Variants in RBM47 observed in about 807,000 individuals in gnomAD.
The protein encoded by RBM47 is RNA-binding protein 47.
RBM47 carries 21 observed loss-of-function variants against 47.1 expected under a neutral mutation model. That is an observed-to-expected ratio of 0.45 (90% confidence interval 0.32 to 0.64). The LOEUF (loss-of-function observed/expected upper bound fraction) is 0.64, where lower values mean the gene tolerates loss of function less well. RBM47 is among the 30% of genes least tolerant of loss of function. RBM47 has a pLI of 0.05. For synonymous variants in RBM47, 375 were observed against 361.7 expected, an observed-to-expected ratio of 1.04 and a Z score of -0.42; for missense variants, 708 against 870.9, an observed-to-expected ratio of 0.81 and a Z score of 2.35.
chr4:40,535,012 T>G (rs1727801246), intron 2 of RBM47, among the ~76,000 whole-genome samples: 1 of 152,076 alleles, frequency 6.6e-6, no homozygotes, highest in South Asian at 2.1e-4. Flanking sequence ...ATGCATGAAC[T>G]GTATGACCTT....
chr4:40,430,110 G>C (rs915246553), intron 6 of RBM47, among the ~76,000 whole-genome samples: 1 of 152,034 alleles, frequency 6.6e-6, no homozygotes, highest in Admixed American at 6.5e-5. Flanking sequence ...CCGGAGAATC[G>C]CCTGAACCTG....
chr4:40,436,204 A>AC (rs1712373165), intron 5 of RBM47, among the ~76,000 whole-genome samples: 1 of 11,546 alleles, frequency 8.7e-5, no homozygotes, highest in Non-Finnish European at 2.7e-4. Context: ...ACAAACAAAC[A>AC]AAAAAAAACC....
At chr4:40,576,036 T>G (rs561001686) in intron 1 of RBM47, among the ~76,000 whole-genome samples, 1 of 152,320 alleles carries the variant, frequency 6.6e-6, no homozygotes, top group East Asian at 1.9e-4. Flanking sequence ...GGCAGGGTTC[T>G]CCTTTGGATC....
intron 1 of RBM47, among the ~76,000 whole-genome samples, chr4:40,586,446 A>G (rs1183968632): frequency 6.6e-6 from 1 of 151,752 alleles, no homozygotes; most frequent in Non-Finnish European, 1.5e-5. Flanking sequence ...GAAAGCAGGC[A>G]TGTTGGAGGG....
chr4:40,456,022 T>G (rs1360983321), intron 3 of RBM47, among the ~76,000 whole-genome samples: 1 of 152,194 alleles, frequency 6.6e-6, no homozygotes, highest in Non-Finnish European at 1.5e-5. Flanking sequence ...CCTTCTACAT[T>G]TATGTGAGAA....
At chr4:40,556,395 T>C (rs1730088088) in intron 1 of RBM47, among the ~76,000 whole-genome samples, 2 of 151,830 alleles carry the variant, frequency 1.3e-5, no homozygotes, top group South Asian at 4.2e-4. Context: ...TTAATGAAGA[T>C]TAAGGTGCAG....
intron 2 of RBM47, among the ~76,000 whole-genome samples, chr4:40,485,741 C>T (rs1320437496): frequency 1.3e-5 from 2 of 151,862 alleles, no homozygotes; most frequent in East Asian, 1.9e-4. Flanking sequence ...TGGGACAACA[C>T]ATTAATATGA....
intron 1 of RBM47, among the ~76,000 whole-genome samples, chr4:40,616,823 A>G (rs1736777179): frequency 6.6e-6 from 1 of 151,252 alleles, no homozygotes; most frequent in African/African-American, 2.4e-5. Flanking sequence ...CATGTCTCTC[A>G]GTGGTTATAA....
intron 1 of RBM47, among the ~76,000 whole-genome samples, chr4:40,626,455 T>A (rs1158125930): frequency 2.6e-5 from 4 of 152,236 alleles, no homozygotes; most frequent in Non-Finnish European, 5.9e-5. Flanking sequence ...CAGTTGCTAG[T>A]TTACCTGCAA....
At position 40,483,590 on chromosome 4, in the gene RBM47, G is replaced by A. The variant is rs1720707647; in HGVS notation, c.-154-16891C>T. ...TCACGCCGGTAATCCCAGCTACTCG[G>A]GAAGCTGAGACAGGAGAATTGCTTG... On this transcript the variant is annotated intron_variant, in intron 2 of 6. Transcript: ENST00000295971. Among the ~76,000 whole-genome samples the A allele has an allele frequency of 2.0e-5, 3 of 152,166 alleles. No individual in the cohort carries two copies. In the South Asian group the frequency reaches 6.2e-4, roughly 32 times the overall value.
chr4:40,622,279 G>A (rs951939854), intron 1 of RBM47, among the ~76,000 whole-genome samples: 22 of 152,304 alleles, frequency 1.4e-4, no homozygotes, highest in Non-Finnish European at 7.4e-5. Flanking sequence ...AGGAATTGCT[G>A]TTTTAACCTG....
intron 1 of RBM47, among the ~76,000 whole-genome samples, chr4:40,549,112 G>GT (rs1553900140): frequency 6.6e-6 from 1 of 150,746 alleles, no homozygotes; most frequent in African/African-American, 2.4e-5. Flanking sequence ...TTTTTTTTGG[G>GT]GGGGGGGACA....
chr4:40,556,774 C>T (rs901398903), intron 1 of RBM47, among the ~76,000 whole-genome samples: 7 of 151,944 alleles, frequency 4.6e-5, no homozygotes, highest in Admixed American at 1.3e-4. Flanking sequence ...CCTGTAATCC[C>T]AGCTACTTGG....
chr4:40,445,984 G>A (rs1293747844), intron 3 of RBM47, among the ~76,000 whole-genome samples: 1 of 152,202 alleles, frequency 6.6e-6, no homozygotes, highest in Non-Finnish European at 1.5e-5. Flanking sequence ...GGGCATTCTG[G>A]TTTAGGCTTC....
chr4:40,447,300 C>T (rs1714676223), intron 3 of RBM47, among the ~76,000 whole-genome samples: 1 of 152,150 alleles, frequency 6.6e-6, no homozygotes, highest in Admixed American at 6.5e-5. Flanking sequence ...ACCTTCAAAT[C>T]AAGCTATTAT....
intron 1 of RBM47, among the ~76,000 whole-genome samples, chr4:40,591,513 G>A (rs1210233809): frequency 6.6e-6 from 1 of 151,976 alleles, no homozygotes; most frequent in East Asian, 1.9e-4. Context: ...TGGCCAACAT[G>A]GTGAAACCCC....
intron 2 of RBM47, among the ~76,000 whole-genome samples, chr4:40,519,297 CT>C (rs374404085): frequency 4.5e-3 from 581 of 130,032 alleles, no homozygotes; most frequent in South Asian, 8.2e-3. Context: ...CTCCTTCAAT[CT>C]TTTTTTTTTT....
chr4:40,598,793 CAT>C (rs1431111231), intron 1 of RBM47, among the ~76,000 whole-genome samples: 32 of 148,586 alleles, frequency 2.2e-4, no homozygotes, highest in Non-Finnish European at 3.7e-4. Context: ...GTCCTCTGCT[CAT>C]ATGTGTTTAA....
At chr4:40,585,094 G>T (rs1199162768) in intron 1 of RBM47, among the ~76,000 whole-genome samples, 1 of 152,086 alleles carries the variant, frequency 6.6e-6, no homozygotes, top group Non-Finnish European at 1.5e-5. Context: ...TTTCATTCGG[G>T]GTCATTAAGT....
Sources: gnomAD v4.1 joint callset for allele counts (sites outside exome capture counted in the v4.1 genomes callset) on GRCh38, gnomAD v4.1.1 for gene constraint, MANE v1.5 for transcripts, NCBI Gene and HGNC (gene_info 2026-07-23, HGNC 2026-07-21) for gene names.